CENPC: variants seen among roughly 807,000 people sequenced by gnomAD.
CENPC encodes the protein centromere protein C.
Under a neutral mutation model 112.1 loss-of-function variants are expected in CENPC, and 63 were observed. That is an observed-to-expected ratio of 0.56 (90% CI 0.46 to 0.69). The LOEUF (loss-of-function observed/expected upper bound fraction) is 0.69, where lower values mean the gene tolerates loss of function less well. Ranked by LOEUF, CENPC falls within the 30% of genes least tolerant of loss-of-function variation. The pLI is 0.00. For missense variants in CENPC, 1,000 were observed against 1,103.8 expected (o/e 0.91, Z 1.33); for synonymous variants, 333 against 367.6 (o/e 0.91, Z 1.08).
At chr4:67,541,088 A>C (rs1437330575) in intron 2 of CENPC, 38 bp from the exon 3 acceptor site, 1 of 1,248,646 alleles carries the variant, frequency 8.0e-7, no homozygotes, top group East Asian at 2.4e-5. Flanking sequence ...TTTTCAGAAG[A>C]TATTTCTTTA....
chr4:67,490,219 T>C (rs1725203656), intron 16 of CENPC, 98 bp from the exon 17 acceptor site: 1 of 811,614 alleles, frequency 1.2e-6, no homozygotes, highest in African/African-American at 1.8e-5. Flanking sequence ...TTTCTGGATA[T>C]AAATCTGCCT....
Position 67,490,096 on chromosome 4 carries a change from A to G in CENPC, c.2541T>C (p.Tyr847=), listed in dbSNP as rs1329365560. Reference sequence around the variant, plus strand: ...ACTCACCATGCTTAACAAAAAATTGATATGTATCTTGTGGCCTTACAAGAT... The same window carrying G: ...ACTCACCATGCTTAACAAAAAATTGGTATGTATCTTGTGGCCTTACAAGAT... The part of the protein sequence containing the change: ...LMDLVRPQDT[Y]QFFVKHGELK... Residue 847 remains tyrosine (Y), a synonymous_variant, in exon 17 of 19, where the codon TAT becomes TAC. Transcript: ENST00000273853. The G allele has an allele frequency of 6.2e-6, 10 of 1,608,354 alleles. No homozygotes were observed. In the South Asian group the frequency reaches 6.7e-5, roughly 11 times the overall value.
intron 4 of CENPC, among the ~76,000 whole-genome samples, chr4:67,536,643 TG>T (rs1320252952): frequency 6.6e-6 from 1 of 151,914 alleles, no homozygotes; most frequent in Non-Finnish European, 1.5e-5. Flanking sequence ...AGGCCAAGCT[TG>T]CTGCATGGAA....
In CENPC at chr4:67,512,167, C is replaced by G. The variant is rs1725909268; in HGVS notation, c.1612+235G>C. On this transcript the variant is annotated intron_variant, in intron 9 of 18. Coordinates refer to ENST00000273853, the MANE Select transcript of CENPC (RefSeq NM_001812.4). ...AACTAGAATGCAAGCTCCATGAAAGCAGGGATTTCTGGTTTGGGGTTTTGT... is the reference window on the plus strand; with the variant it reads ...AACTAGAATGCAAGCTCCATGAAAGGAGGGATTTCTGGTTTGGGGTTTTGT... 5.4e-6 allele frequency: 2 copies of G among 372,456 alleles called. 1 individual carries two copies. Among genetic ancestry groups the G allele is most frequent in the South Asian group, 1.2e-4 (2 of 17,374 alleles). 23.1% of individuals were successfully genotyped at this position (372,456 alleles called of 1,614,324 possible). A position where few individuals can be genotyped will look rare whatever the true frequency, so the allele number is the denominator to read the frequency against.
At chr4:67,474,794 A>C (rs1355645444) in intron 18 of CENPC, 94 bp downstream of exon 18, 21 of 724,228 alleles carry the variant, frequency 2.9e-5, no homozygotes. Context: ...TCCATCAGTC[A>C]TATCACACTT....
At chr4:67,503,671 G>A (rs1725654284) in intron 12 of CENPC, among the ~76,000 whole-genome samples, 1 of 151,866 alleles carries the variant, frequency 6.6e-6, no homozygotes, top group Non-Finnish European at 1.5e-5. Context: ...ATCCACTTAT[G>A]TTATCAACAA....
chr4:67,492,630 T>C (rs1275007639), intron 15 of CENPC: 2 of 596,602 alleles, frequency 3.4e-6, no homozygotes, highest in Admixed American at 8.1e-5. Flanking sequence ...AATGGTGGGT[T>C]TCATTTGACT....
At chr4:67,528,802 C>T (rs772299967) in intron 5 of CENPC, among the ~76,000 whole-genome samples, 7 of 152,064 alleles carry the variant, frequency 4.6e-5, no homozygotes, top group Non-Finnish European at 8.8e-5. Context: ...TGTCTGCTTC[C>T]ATCCCTGCTT....
chr4:67,536,394 T>A (rs761692560), intron 4 of CENPC, among the ~76,000 whole-genome samples: 38 of 152,352 alleles, frequency 2.5e-4, no homozygotes, highest in Non-Finnish European at 4.6e-4. Flanking sequence ...TTTTGCTTAA[T>A]CAAGTTATCC....
chr4:67,493,632 G>C, intron 14 of CENPC: 1 of 319,074 alleles, frequency 3.1e-6, no homozygotes, highest in Non-Finnish European at 5.8e-6. Context: ...ATTTTCTCAC[G>C]TTCTAATCTA....
chr4:67,495,680 T>G (rs1310672752), intron 12 of CENPC, among the ~76,000 whole-genome samples: 1 of 152,198 alleles, frequency 6.6e-6, no homozygotes, highest in Non-Finnish European at 1.5e-5. Context: ...CAACAGATTT[T>G]CTATTGCTCA....
chr4:67,534,808 C>G (rs1448669297), intron 4 of CENPC, among the ~76,000 whole-genome samples: 2 of 152,112 alleles, frequency 1.3e-5, no homozygotes, highest in Non-Finnish European at 2.9e-5. Flanking sequence ...GTTTTAGTTT[C>G]CCACTTTCAA....
At chr4:67,495,720 A>T (rs189206039) in intron 12 of CENPC, among the ~76,000 whole-genome samples, 8 of 152,344 alleles carry the variant, frequency 5.3e-5, no homozygotes, top group Non-Finnish European at 7.3e-5. Context: ...ACTTGTGGAT[A>T]AAAATGTAGG....
intron 3 of CENPC, 122 bp downstream of exon 3, chr4:67,540,858 G>T: frequency 1.4e-6 from 1 of 730,222 alleles, no homozygotes; most frequent in Non-Finnish European, 2.3e-6. Flanking sequence ...AAATACCAGG[G>T]AAAATATTTT....
At chr4:67,514,799 A>C in intron 7 of CENPC, 112 bp from the exon 8 acceptor site, 1 of 1,053,674 alleles carries the variant, frequency 9.5e-7, no homozygotes, top group South Asian at 1.9e-5. Flanking sequence ...CTGTTTATAT[A>C]TCTCCTCAAT....
rs1426027728 is a variant in CENPC, at chr4:67,469,250, T to C, written c.*3355A>G. ...ATGGGTGATGCCCACGATGGATTAA[T>C]GGGTATCAAATTTGCCCTCCTCCAA... is the stretch of plus-strand genomic sequence containing the variant. On this transcript the variant is annotated 3_prime_UTR_variant, in exon 19 of 19. Transcript: ENST00000273853. 3 of 152,176 alleles carry C rather than the reference T, an allele frequency of 2.0e-5. No individual in the cohort carries two copies. The highest frequency in any genetic ancestry group is 4.4e-5 in the Non-Finnish European group (3 of 68,036). The allele number at this position is 152,176 out of a possible 1,614,324, so 9.4% of individuals were successfully genotyped here.
In CENPC at chr4:67,489,977, T is replaced by C; in HGVS notation, c.2660A>G (p.Gln887Arg). ...AAAAAAAGTACTCACCAATATATCC[T>C]GGCCAACATGCTGCTTTCCCTTTTC... The part of the protein sequence containing the change: ...QEEKGKQHVG[Q>R]DILVFYVNFG... The change falls in exon 17 of 19, where the codon CAG becomes CGG. Residue 887 changes from glutamine to arginine, a missense_variant. Transcript: ENST00000273853. The C allele has an allele frequency of 6.3e-7, 1 of 1,577,728 alleles. No homozygotes were observed. Among genetic ancestry groups the C allele is most frequent in the South Asian group, 1.2e-5 (1 of 85,200 alleles).
chr4:67,517,561 G>A (rs1726094242), intron 7 of CENPC, among the ~76,000 whole-genome samples: 1 of 150,026 alleles, frequency 6.7e-6, no homozygotes, highest in Non-Finnish European at 1.5e-5. Context: ...TTGTCGGCCG[G>A]GTGCGGTGGC....
At chr4:67,531,526 G>GT (rs1015526635) in intron 4 of CENPC, among the ~76,000 whole-genome samples, 52 of 152,290 alleles carry the variant, frequency 3.4e-4, no homozygotes, top group African/African-American at 1.2e-3. Flanking sequence ...TGCCTAGACT[G>GT]TTTGTATAAA....
Sources: allele counts gnomAD v4.1 joint callset (sites outside exome capture counted in the v4.1 genomes callset), GRCh38; gene constraint gnomAD v4.1.1; transcripts MANE v1.5; gene names NCBI Gene and HGNC (gene_info 2026-07-23, HGNC 2026-07-21).